The following FSTL4 variants were observed in gnomAD, a reference collection of about 807,000 sequenced individuals.
FSTL4 encodes the protein follistatin like 4.
A neutral mutation model predicts 78.2 loss-of-function variants in FSTL4; 28 were observed. The observed-to-expected ratio is 0.36, with a 90% CI of 0.27 to 0.49. FSTL4 has a LOEUF of 0.49. FSTL4 is among the 20% of genes least tolerant of loss of function. The pLI, the probability that FSTL4 is intolerant of heterozygous loss-of-function variation, is 0.98. For synonymous variants in FSTL4, 422 were observed against 440.5 expected (o/e 0.96, Z 0.53); for missense variants, 922 against 1,084.9 (o/e 0.85, Z 2.11).
rs1751140299 is a variant in FSTL4 at position 133,221,913 on chromosome 5, T to TTTTTTTTTTTTTTTTTTTTG, written c.1340-1048_1340-1047insCAAAAAAAAAAAAAAAAAAA. On this transcript the variant is annotated intron_variant, in intron 11 of 15. Transcript: ENST00000265342. Reference sequence around the variant, plus strand: ...CTAGTTTTTTTTTTTTTTTTTTTTTTTTTTTTTTTTTTTTAGCATGCTGAG... The same window carrying TTTTTTTTTTTTTTTTTTTTG: ...CTAGTTTTTTTTTTTTTTTTTTTTTTTTTTTTTTTTTTTTTTTTTGTTTTTTTTTTTTTTAGCATGCTGAG... Among the ~76,000 whole-genome samples, 7 of 97,806 alleles carry TTTTTTTTTTTTTTTTTTTTG rather than the reference T, an allele frequency of 7.2e-5. 2 individuals carry two copies. Among genetic ancestry groups the TTTTTTTTTTTTTTTTTTTTG allele is most frequent in the Non-Finnish European group, 9.7e-5 (5 of 51,388 alleles). The allele number at this position is 97,806 out of a possible 152,430, so 64.2% of individuals were successfully genotyped here. A position where few individuals can be genotyped will look rare whatever the true frequency, so the allele number is the denominator to read the frequency against.
chr5:133,575,162 A>G (rs1247329562), intron 2 of FSTL4: 1 of 152,258 alleles, frequency 6.6e-6, no homozygotes, highest in African/African-American at 2.4e-5. Context: ...ACAGATGAAG[A>G]AAGATGTACT....
At chr5:133,419,975 T>C (rs1261042493) in intron 3 of FSTL4, among the ~76,000 whole-genome samples, 1 of 152,246 alleles carries the variant, frequency 6.6e-6, no homozygotes, top group Admixed American at 6.5e-5. Flanking sequence ...GGAAGTTTTA[T>C]TCATAGTAGT....
the FSTL4 span, among the ~76,000 whole-genome samples, chr5:133,757,099 G>A: frequency 1.3e-5 from 2 of 152,224 alleles, no homozygotes; most frequent in East Asian, 3.9e-4. Context: ...CTCCCATTTA[G>A]CAAAATCCTG....
intron 2 of FSTL4, among the ~76,000 whole-genome samples, chr5:133,597,786 T>C (rs747991032): frequency 2.6e-5 from 4 of 152,068 alleles, no homozygotes; most frequent in Admixed American, 6.6e-5. Flanking sequence ...GCAGCAATGC[T>C]CATCCCCAAA....
the FSTL4 span, among the ~76,000 whole-genome samples, chr5:133,665,112 C>A: frequency 6.6e-6 from 1 of 152,160 alleles, no homozygotes; most frequent in Non-Finnish European, 1.5e-5. Context: ...GAAGCATATG[C>A]CTTCTTGGGC....
At chr5:133,646,129 A>G in the FSTL4 span, among the ~76,000 whole-genome samples, 3 of 152,164 alleles carry the variant, frequency 2.0e-5, no homozygotes. Flanking sequence ...TTACAAACTA[A>G]TAAGTGCAAT....
the FSTL4 span, among the ~76,000 whole-genome samples, chr5:133,712,593 C>T: frequency 1.3e-5 from 2 of 152,226 alleles, no homozygotes; most frequent in Non-Finnish European, 1.5e-5. Context: ...CAGTGCCTGG[C>T]TCCAAGGTAA....
chr5:133,528,156 A>AGAC (rs540855901), intron 3 of FSTL4, among the ~76,000 whole-genome samples: 250 of 152,308 alleles, frequency 1.6e-3, no homozygotes, highest in Admixed American at 3.7e-3. Context: ...ACAATTTCAA[A>AGAC]GACACACTAT....
At chr5:133,322,255 ACACCCACCCACACC>A (rs1754082574) in intron 4 of FSTL4, among the ~76,000 whole-genome samples, 1 of 32,714 alleles carries the variant, frequency 3.1e-5, no homozygotes, top group Non-Finnish European at 9.8e-5. Context: ...ACACCCACCC[ACACCCACCCACACC>A]CACACACCCA....
At chr5:133,271,445 G>A (rs1334730227) in intron 6 of FSTL4, among the ~76,000 whole-genome samples, 4 of 152,170 alleles carry the variant, frequency 2.6e-5, no homozygotes, top group Non-Finnish European at 5.9e-5. Flanking sequence ...CAGCCCAGCC[G>A]AGGGAAGGCC....
rs768824591 is a variant in FSTL4, at chr5:133,233,459, C to T, written c.973G>A (p.Gly325Ser). 2.5e-5 allele frequency: 41 copies of T among 1,614,028 alleles called. No homozygotes were observed. The highest frequency in any genetic ancestry group is 6.7e-5 in the East Asian group (3 of 44,894). ...HMGNYTCHAS[G>S]HEQLFQTHVL... ...TGGGTCTGGAACAGCTGCTCGTGGCCGGAAGCATGGCAGGTGTAATTGCCC... is the reference window on the plus strand; with the variant it reads ...TGGGTCTGGAACAGCTGCTCGTGGCTGGAAGCATGGCAGGTGTAATTGCCC... Residue 325 changes from glycine (G) to serine (S), a missense_variant, in exon 8 of 16, where the codon GGC becomes AGC. Coordinates refer to ENST00000265342, the MANE Select transcript of FSTL4 (RefSeq NM_015082.2).
chr5:133,329,319 C>T (rs1275835940), intron 4 of FSTL4, among the ~76,000 whole-genome samples: 1 of 152,058 alleles, frequency 6.6e-6, no homozygotes, highest in Non-Finnish European at 1.5e-5. Flanking sequence ...CTTCACGGTA[C>T]CATCCTGCAC....
intron 4 of FSTL4, among the ~76,000 whole-genome samples, chr5:133,353,675 C>T (rs1239840640): frequency 1.5e-4 from 23 of 152,242 alleles, no homozygotes; most frequent in African/African-American, 2.4e-5. Context: ...TGCCACCTGA[C>T]AGTGTTATAG....
chr5:133,207,366 T>C (rs1219642156), intron 14 of FSTL4, among the ~76,000 whole-genome samples: 1 of 152,236 alleles, frequency 6.6e-6, no homozygotes, highest in Non-Finnish European at 1.5e-5. Context: ...CATGCATGCA[T>C]GCTTTTTTGT....
intron 7 of FSTL4, among the ~76,000 whole-genome samples, chr5:133,239,742 A>G (rs1414293931): frequency 6.6e-6 from 1 of 152,134 alleles, no homozygotes; most frequent in Non-Finnish European, 1.5e-5. Flanking sequence ...CTCTGTATCT[A>G]GATACTCTGG....
rs575281709 is a variant in FSTL4 at position 133,481,500 on chromosome 5, C to T, written c.161-80514G>A. On this transcript the variant is annotated intron_variant, in intron 3 of 15. Coordinates refer to ENST00000265342, the MANE Select transcript of FSTL4 (RefSeq NM_015082.2). ...GAGGTTGCAGTGAGCCAAGATTGCG[C>T]CCCTGCACTCCAGCCCGGGTGACAG... Among the ~76,000 whole-genome samples the T allele has an allele frequency of 4.0e-3, 600 of 150,600 alleles. 7 individuals carry two copies. Among genetic ancestry groups the T allele is most frequent in the Non-Finnish European group, 7.0e-3 (472 of 67,764 alleles).
At chr5:133,242,316 C>A (rs1469369336) in intron 7 of FSTL4, among the ~76,000 whole-genome samples, 1 of 152,268 alleles carries the variant, frequency 6.6e-6, no homozygotes, top group African/African-American at 2.4e-5. Context: ...AGGCTCCAAT[C>A]TGTAGTGGCC....
chr5:133,452,260 G>A (rs1356855889), intron 3 of FSTL4, among the ~76,000 whole-genome samples: 1 of 152,244 alleles, frequency 6.6e-6, no homozygotes, highest in African/African-American at 2.4e-5. Context: ...GGAGAAGCAT[G>A]TCTAAGAAGA....
At chr5:133,250,373 C>G (rs538491172) in intron 6 of FSTL4, among the ~76,000 whole-genome samples, 1 of 152,154 alleles carries the variant, frequency 6.6e-6, no homozygotes, top group Non-Finnish European at 1.5e-5. Flanking sequence ...GGACAGTCAG[C>G]GGCCCACTGA....
Sources: allele counts gnomAD v4.1 joint callset (sites outside exome capture counted in the v4.1 genomes callset), GRCh38; gene constraint gnomAD v4.1.1; transcripts MANE v1.5; gene names NCBI Gene and HGNC (gene_info 2026-07-23, HGNC 2026-07-21).